The following ZNF292 variants were observed in gnomAD, a reference collection of about 807,000 sequenced individuals.
ZNF292 encodes 16 zinc-finger domain protein.
In ZNF292, 26 loss-of-function variants were observed where a neutral mutation model predicts 217.9. The observed-to-expected ratio is 0.12, with a 90% CI of 0.09 to 0.17. The LOEUF (loss-of-function observed/expected upper bound fraction) is 0.17. Ranked by LOEUF, ZNF292 falls within the 10% of genes least tolerant of loss-of-function variation. ZNF292 has a pLI of 1.00. For synonymous variants in ZNF292, 1,257 were observed against 1,124.1 expected (o/e 1.12, Z -2.37); for missense variants, 2,904 against 3,175.2 (o/e 0.91, Z 2.05).
At chr6:87,180,686 C>CCA (rs10677082) in intron 1 of ZNF292, among the ~76,000 whole-genome samples, 95,594 of 151,736 alleles carry the variant, frequency 0.63, 31,684 homozygotes, top group African/African-American at 0.85. Context: ...GCCCCAGCAA[C>CCA]CACAGGGAGA....
At chr6:87,244,764 A>AT (rs1445385418) in intron 6 of ZNF292, among the ~76,000 whole-genome samples, 1 of 152,146 alleles carries the variant, frequency 6.6e-6, no homozygotes, top group African/African-American at 2.4e-5. Flanking sequence ...CTTATTGTCA[A>AT]TTTTAAATTT....
At chr6:87,240,225 G>A (rs527634160) in intron 5 of ZNF292, among the ~76,000 whole-genome samples, 7 of 152,250 alleles carry the variant, frequency 4.6e-5, no homozygotes, top group Admixed American at 1.3e-4. Context: ...GGCGGCATGC[G>A]CCTGCAATCT....
intron 4 of ZNF292, 48 bp downstream of exon 4, chr6:87,218,779 A>G (rs775878658): frequency 3.4e-5 from 52 of 1,509,740 alleles, no homozygotes; most frequent in Middle Eastern, 1.7e-4. Context: ...AGACTAGAAA[A>G]AATAAGTGTT....
intron 1 of ZNF292, among the ~76,000 whole-genome samples, chr6:87,211,452 T>C (rs147238270): frequency 2.2e-4 from 33 of 152,330 alleles, no homozygotes; most frequent in African/African-American, 7.9e-4. Context: ...ATGTATCACA[T>C]AGTAGTTAAG....
intron 1 of ZNF292, chr6:87,170,116 A>T (rs1189409361): frequency 1.3e-5 from 2 of 152,254 alleles, no homozygotes; most frequent in Non-Finnish European, 2.9e-5. Flanking sequence ...ATATTCTGAA[A>T]TAATGCAAAT....
chr6:87,165,777 A>G (rs1168200582), intron 1 of ZNF292, among the ~76,000 whole-genome samples: 1 of 77,304 alleles, frequency 1.3e-5, no homozygotes, highest in Non-Finnish European at 2.5e-5. Context: ...TTTTTTTTTG[A>G]CATAGAGTTT....
At chr6:87,163,120 G>A (rs1048793229) in intron 1 of ZNF292, among the ~76,000 whole-genome samples, 1 of 152,100 alleles carries the variant, frequency 6.6e-6, no homozygotes, top group African/African-American at 2.4e-5. Context: ...AAGTCTCTAA[G>A]TATATATGTT....
chr6:87,216,015 C>G lies in ZNF292; in HGVS notation c.281C>G (p.Ser94Cys), dbSNP rs1354670951. The change falls in exon 2 of 8, where the codon TCT (serine) becomes TGT (cysteine). Residue 94 changes from serine (S) to cysteine (C), a missense_variant. Around this residue, in one of 15 missense-constraint regions of ZNF292, gnomAD observed 313 missense variants for 451.0 expected, o/e 0.69. Coordinates refer to ENST00000369577, the MANE Select transcript of ZNF292 (RefSeq NM_015021.3). ...GTTAAAGCCCGACCTTATCTTACCT[C>G]TGAATGTGAAAATGTAGCCTTGGTT... is the stretch of plus-strand genomic sequence containing the variant. Reference protein sequence around the residue: ...SYVKARPYLTSECENVALVLE... With the variant: ...SYVKARPYLTCECENVALVLE... 1 of 1,579,834 alleles carries G rather than the reference C, an allele frequency of 6.3e-7. No individual in the cohort carries two copies. Among genetic ancestry groups the G allele is most frequent in the Admixed American group, 2.0e-5 (1 of 49,694 alleles).
intron 1 of ZNF292, among the ~76,000 whole-genome samples, chr6:87,156,781 C>A (rs114134928): frequency 6.6e-6 from 1 of 152,348 alleles, no homozygotes; most frequent in African/African-American, 2.4e-5. Flanking sequence ...AAAATCATTT[C>A]ATCCATGGTG....
intron 1 of ZNF292, among the ~76,000 whole-genome samples, chr6:87,206,936 C>T (rs1400071434): frequency 6.6e-6 from 1 of 152,002 alleles, no homozygotes; most frequent in Admixed American, 6.5e-5. Flanking sequence ...GAAGTGGGCA[C>T]CAGAAGGAAA....
intron 7 of ZNF292, among the ~76,000 whole-genome samples, chr6:87,247,395 C>T (rs1028112550): frequency 2.0e-5 from 3 of 152,074 alleles, no homozygotes; most frequent in Non-Finnish European, 2.9e-5. Flanking sequence ...CTGTCTAACA[C>T]ATATGGATGG....
chr6:87,258,062 T>C lies in ZNF292; in HGVS notation c.4433T>C (p.Phe1478Ser). The C allele has an allele frequency of 6.2e-7, 1 of 1,613,766 alleles. No individual in the cohort carries two copies. Residue 1478 changes from phenylalanine (F) to serine (S), a missense_variant, in exon 8 of 8, where the codon TTT (phenylalanine) becomes TCT (serine). Phe to Ser is a radical substitution (Grantham distance 155). Around this residue, in one of 15 missense-constraint regions of ZNF292, gnomAD observed 622 missense variants for 573.1 expected, o/e 1.09. Transcript: ENST00000369577. ...TTTCCTCGATCTGGTGTGACTAACTTTAATACCAGTGTCAGTCAAGAAGGT... is the reference window on the plus strand; with the variant it reads ...TTTCCTCGATCTGGTGTGACTAACTCTAATACCAGTGTCAGTCAAGAAGGT... Reference protein sequence around the residue: ...NTFPRSGVTNFNTSVSQEGSE... With the variant: ...NTFPRSGVTNSNTSVSQEGSE...
chr6:87,230,733 TAAAA>T (rs35005215), intron 4 of ZNF292, among the ~76,000 whole-genome samples: 2 of 137,490 alleles, frequency 1.5e-5, no homozygotes, highest in Non-Finnish European at 1.6e-5. Context: ...GACTCCGTCT[TAAAA>T]AAAAAAAAAA....
At chr6:87,189,732 T>TA (rs1431913239) in intron 1 of ZNF292, among the ~76,000 whole-genome samples, 2 of 152,154 alleles carry the variant, frequency 1.3e-5, no homozygotes, top group African/African-American at 2.4e-5. Flanking sequence ...GATGTTAACT[T>TA]ACCTGGCTGG....
chr6:87,172,330 G>A (rs1046886599), intron 1 of ZNF292, among the ~76,000 whole-genome samples: 1 of 152,084 alleles, frequency 6.6e-6, no homozygotes, highest in African/African-American at 2.4e-5. Flanking sequence ...ACCAGAATCA[G>A]AATGGTTGAG....
At chr6:87,241,131 AAC>A in intron 5 of ZNF292, among the ~76,000 whole-genome samples, 1 of 152,094 alleles carries the variant, frequency 6.6e-6, no homozygotes, top group East Asian at 1.9e-4. Flanking sequence ...AAAAATACAA[AAC>A]ATTAGCTGGG....
intron 1 of ZNF292, among the ~76,000 whole-genome samples, chr6:87,207,100 C>A (rs1048844598): frequency 6.6e-6 from 1 of 152,186 alleles, no homozygotes; most frequent in Non-Finnish European, 1.5e-5. Flanking sequence ...CTTTGATTTG[C>A]GTGCGCATGT....
At chr6:87,236,124 G>A (rs1280188426) in intron 5 of ZNF292, among the ~76,000 whole-genome samples, 2 of 152,178 alleles carry the variant, frequency 1.3e-5, no homozygotes, top group African/African-American at 2.4e-5. Flanking sequence ...TGCACCATGT[G>A]CTCTCTCACT....
At chr6:87,251,929 A>T (rs1217426334) in intron 7 of ZNF292, among the ~76,000 whole-genome samples, 1 of 152,222 alleles carries the variant, frequency 6.6e-6, no homozygotes, top group Non-Finnish European at 1.5e-5. Flanking sequence ...ATTTAGTTGC[A>T]GACTGGATTA....
Sources: allele counts gnomAD v4.1 joint callset (sites outside exome capture counted in the v4.1 genomes callset), GRCh38; gene constraint gnomAD v4.1.1; regional missense constraint gnomAD v4.1.1; transcripts MANE v1.5; gene names NCBI Gene and HGNC (gene_info 2026-07-23, HGNC 2026-07-21).